Variants in ZNF385B observed in about 807,000 individuals in gnomAD.
ZNF385B encodes the protein zinc finger protein 385B.
In ZNF385B, 23 loss-of-function variants were observed where a neutral mutation model predicts 39.2. That is an observed-to-expected ratio of 0.59 (90% CI 0.42 to 0.83). The LOEUF (loss-of-function observed/expected upper bound fraction) is 0.83. ZNF385B is among the 40% of genes least tolerant of loss of function. The pLI is 0.00. For synonymous variants in ZNF385B, 205 were observed against 222.6 expected (o/e 0.92, Z 0.70); for missense variants, 552 against 598.9 (o/e 0.92, Z 0.82).
chr2:179,805,176 A>T (rs1706274013), intron 1 of ZNF385B, among the ~76,000 whole-genome samples: 2 of 152,178 alleles, frequency 1.3e-5, no homozygotes, highest in South Asian at 4.1e-4. Context: ...AAACCATGCC[A>T]TATGGAGAGG....
intron 1 of ZNF385B, among the ~76,000 whole-genome samples, chr2:179,831,088 T>C (rs1707958346): frequency 6.6e-6 from 1 of 152,176 alleles, no homozygotes; most frequent in African/African-American, 2.4e-5. Context: ...ATATTTGTAA[T>C]ACTCATGAAA....
intron 4 of ZNF385B, chr2:179,523,028 C>A (rs2058620976): frequency 3.8e-6 from 1 of 264,112 alleles, no homozygotes; most frequent in South Asian, 4.0e-5. Context: ...GAGTAAAAAG[C>A]CTGAAACACT....
chr2:179,450,860 A>G (rs1157799173), intron 6 of ZNF385B, among the ~76,000 whole-genome samples: 2 of 152,104 alleles, frequency 1.3e-5, no homozygotes, highest in Non-Finnish European at 2.9e-5. Flanking sequence ...TAAATGTCCA[A>G]CAATGATAGA....
At chr2:179,747,636 C>T (rs1376951306) in intron 3 of ZNF385B, among the ~76,000 whole-genome samples, 1 of 152,052 alleles carries the variant, frequency 6.6e-6, no homozygotes, top group Admixed American at 6.6e-5. Flanking sequence ...ACATGAAGCT[C>T]CCTAGTAATA....
chr2:179,834,553 T>C (rs1218047655), intron 1 of ZNF385B, among the ~76,000 whole-genome samples: 1 of 152,216 alleles, frequency 6.6e-6, no homozygotes, highest in Non-Finnish European at 1.5e-5. Context: ...GGAAAGTTTT[T>C]CTTCACAAAG....
intron 6 of ZNF385B, among the ~76,000 whole-genome samples, chr2:179,463,272 A>C (rs1218450586): frequency 6.6e-6 from 1 of 152,060 alleles, no homozygotes; most frequent in Non-Finnish European, 1.5e-5. Context: ...TCACCTCAAT[A>C]TTACAATTTC....
At chr2:179,465,330 C>T (rs1309728860) in intron 6 of ZNF385B, among the ~76,000 whole-genome samples, 3 of 152,140 alleles carry the variant, frequency 2.0e-5, no homozygotes, top group African/African-American at 4.8e-5. Flanking sequence ...ATGACTTCCT[C>T]TACCACACTG....
At chr2:179,493,754 TAC>T (rs1439824474) in intron 5 of ZNF385B, among the ~76,000 whole-genome samples, 1 of 137,096 alleles carries the variant, frequency 7.3e-6, no homozygotes, top group Non-Finnish European at 1.6e-5. Flanking sequence ...TATGTGTATA[TAC>T]ATATATGTAT....
chr2:179,593,698 C>T (rs984976085), intron 3 of ZNF385B, among the ~76,000 whole-genome samples: 1 of 152,180 alleles, frequency 6.6e-6, no homozygotes, highest in African/African-American at 2.4e-5. Context: ...CTACTGTCAA[C>T]ATTTTTAGAG....
rs138550246 is a variant in ZNF385B at position 179,769,581 on chromosome 2, G to A, written c.220C>T (p.Arg74Cys). The change falls in exon 3 of 10, where the codon CGC (arginine) becomes TGC (cysteine). Residue 74 changes from arginine to cysteine, a missense_variant. Coordinates refer to ENST00000410066, the MANE Select transcript of ZNF385B (RefSeq NM_152520.6). ...TCACTCAGCTGCTTCACTCGTTTGCGGTGGGATTTGCCGTTGGAATGCACC... is the reference window on the plus strand; with the variant it reads ...TCACTCAGCTGCTTCACTCGTTTGCAGTGGGATTTGCCGTTGGAATGCACC... Reference protein sequence around the residue: ...AQVHSNGKSHRKRVKQLSDGQ... With the variant: ...AQVHSNGKSHCKRVKQLSDGQ... 5.0e-5 allele frequency: 80 copies of A among 1,614,050 alleles called. No individual in the cohort carries two copies. The highest frequency in any genetic ancestry group is 8.0e-5 in the African/African-American group (6 of 74,912).
In ZNF385B at chr2:179,464,871, A is replaced by G. The variant is rs552011417; in HGVS notation, c.716-18101T>C. Among the ~76,000 whole-genome samples, 26 of 152,124 alleles carry G rather than the reference A, an allele frequency of 1.7e-4. No homozygotes were observed. The South Asian group carries it at 5.4e-3, about 32-fold the overall frequency. The stretch of plus-strand genomic sequence containing the variant: ...AAACCTCTTTCCTATAGCTTCAACT[A>G]CTTCCTTTACACTTGATTCTTTTTT... On this transcript the variant is annotated intron_variant, in intron 6 of 9. Coordinates refer to ENST00000410066, the MANE Select transcript of ZNF385B (RefSeq NM_152520.6).
intron 3 of ZNF385B, among the ~76,000 whole-genome samples, chr2:179,613,482 G>A (rs980105580): frequency 6.6e-6 from 1 of 152,100 alleles, no homozygotes; most frequent in African/African-American, 2.4e-5. Flanking sequence ...GATGCATCCT[G>A]ACAGGTCTGG....
At chr2:179,772,978 A>C (rs1275247142) in intron 1 of ZNF385B, among the ~76,000 whole-genome samples, 1 of 152,252 alleles carries the variant, frequency 6.6e-6, no homozygotes, top group Non-Finnish European at 1.5e-5. Flanking sequence ...TGCAGGCAAA[A>C]GAATGAGAAA....
At chr2:179,502,793 C>A (rs114998589) in intron 5 of ZNF385B, among the ~76,000 whole-genome samples, 1 of 152,164 alleles carries the variant, frequency 6.6e-6, no homozygotes, top group Non-Finnish European at 1.5e-5. Flanking sequence ...CCTTCACCCC[C>A]ACATTCAATC....
rs71029828 is a variant in ZNF385B, at chr2:179,696,326, C to CTTT, written c.298+73174_298+73176dup. 1.5e-3 allele frequency among the ~76,000 whole-genome samples: 59 copies of CTTT among 40,352 alleles called. 17 individuals carry two copies. Among genetic ancestry groups the CTTT allele is most frequent in the African/African-American group, 3.4e-3 (33 of 9,598 alleles). The allele number at this position is 40,352 out of a possible 152,430, so 26.5% of individuals were successfully genotyped here. A position where few individuals can be genotyped will look rare whatever the true frequency, so the allele number is the denominator to read the frequency against. ...CTGGGACACTAGGTACAAACTGGGA[C>CTTT]TTTTTTTTTTTTTTTTTTTTTTTGC... On this transcript the variant is annotated intron_variant, in intron 3 of 9. Coordinates refer to ENST00000410066, the MANE Select transcript of ZNF385B (RefSeq NM_152520.6).
intron 3 of ZNF385B, among the ~76,000 whole-genome samples, chr2:179,686,431 G>A (rs1697932015): frequency 6.6e-6 from 1 of 152,186 alleles, no homozygotes; most frequent in African/African-American, 2.4e-5. Flanking sequence ...AGAGACGTTA[G>A]CCTGGAAAGG....
intron 9 of ZNF385B, 70 bp downstream of exon 9, chr2:179,444,806 T>C: frequency 7.7e-7 from 1 of 1,307,176 alleles, no homozygotes; most frequent in East Asian, 2.3e-5. Context: ...TATGCCCTCC[T>C]TGCCCACAAT....
rs568779035 is a variant in ZNF385B, at chr2:179,668,281, A to C, written c.298+101222T>G. On this transcript the variant is annotated intron_variant, in intron 3 of 9. Transcript: ENST00000410066. ...AAATATTTGTTGGTAATACTCATAT[A>C]GTTACCTTAATTTTTCCCTTTTCTC... is the stretch of plus-strand genomic sequence containing the variant. 2.3e-3 allele frequency among the ~76,000 whole-genome samples: 349 copies of C among 152,332 alleles called. 1 individual carries two copies. Among genetic ancestry groups the C allele is most frequent in the African/African-American group, 8.0e-3 (334 of 41,578 alleles).
At chr2:179,572,662 G>A (rs1175119995) in intron 3 of ZNF385B, among the ~76,000 whole-genome samples, 1 of 152,142 alleles carries the variant, frequency 6.6e-6, no homozygotes, top group Non-Finnish European at 1.5e-5. Context: ...GGCCTATCAT[G>A]GAGAAAGAAC....
Sources: allele counts gnomAD v4.1 joint callset (sites outside exome capture counted in the v4.1 genomes callset), GRCh38; gene constraint gnomAD v4.1.1; transcripts MANE v1.5; gene names NCBI Gene and HGNC (gene_info 2026-07-23, HGNC 2026-07-21).